Variants in WDR64 observed in about 807,000 individuals in gnomAD.
WDR64 encodes the protein WD repeat-containing protein 64.
WDR64 carries 112 observed loss-of-function variants against 139.3 expected under a neutral mutation model. That is an observed-to-expected ratio of 0.80 (90% confidence interval 0.69 to 0.94). The LOEUF (loss-of-function observed/expected upper bound fraction) is 0.94. WDR64 is among the 40% of genes least tolerant of loss of function. WDR64 has a pLI of 0.00. For missense variants in WDR64, 1,206 were observed against 1,293.1 expected, an observed-to-expected ratio of 0.93 and a Z score of 1.03; for synonymous variants, 444 against 437.7, an observed-to-expected ratio of 1.01 and a Z score of -0.18.
At chr1:241,766,176 T>C in intron 15 of WDR64, 42 bp from the exon 16 acceptor site, 1 of 1,593,460 alleles carries the variant, frequency 6.3e-7, no homozygotes, top group Non-Finnish European at 8.6e-7. Flanking sequence ...CCGCGAATCA[T>C]GAATACTATA....
intron 25 of WDR64, among the ~76,000 whole-genome samples, chr1:241,793,268 T>C (rs969299159): frequency 6.6e-6 from 1 of 152,246 alleles, no homozygotes; most frequent in African/African-American, 2.4e-5. Flanking sequence ...TCTGGATTGC[T>C]ATTTATGTCT....
intron 4 of WDR64, among the ~76,000 whole-genome samples, chr1:241,675,035 CCTTCTTCTTTCCTTCCTTTTCTCCCTT>C (rs1473355686): frequency 3.2e-4 from 8 of 24,916 alleles, no homozygotes; most frequent in South Asian, 2.3e-3. Flanking sequence ...TTCCCTCCCT[CCTTCTTCTTTCCTTCCTTTTCTCCCTT>C]CCTCCTTCCT....
At chr1:241,705,559 AAATAATAATAATAAT>A (rs71174832) in intron 8 of WDR64, among the ~76,000 whole-genome samples, 12 of 136,658 alleles carry the variant, frequency 8.8e-5, no homozygotes, top group African/African-American at 2.5e-4. Context: ...ATAAATAAAT[AAATAATAATAATAAT>A]AATAATAATA....
chr1:241,773,033 A>T, intron 20 of WDR64, 102 bp downstream of exon 20: 1 of 1,334,344 alleles, frequency 7.5e-7, no homozygotes, highest in Non-Finnish European at 9.8e-7. Context: ...CAATTATAAT[A>T]TTTTTTCAAC....
At chr1:241,753,675 G>A (rs550623850) in intron 14 of WDR64, among the ~76,000 whole-genome samples, 7 of 152,132 alleles carry the variant, frequency 4.6e-5, no homozygotes, top group Admixed American at 1.3e-4. Flanking sequence ...CTACACTCCC[G>A]ACTGGGCGAC....
At chr1:241,795,802 T>G (rs918204968) in intron 26 of WDR64, among the ~76,000 whole-genome samples, 1 of 152,202 alleles carries the variant, frequency 6.6e-6, no homozygotes, top group African/African-American at 2.4e-5. Context: ...AACTAATTAA[T>G]TAACCCAAGA....
Position 241,700,231 on chromosome 1 carries a change from C to T in WDR64, c.975-11571C>T, listed in dbSNP as rs192410445. Reference sequence around the variant, plus strand: ...TTTTAGACCAAAAACAGATTCCTCCCTCTCCTTTATTCTTCTCATCCAGTA... The same window carrying T: ...TTTTAGACCAAAAACAGATTCCTCCTTCTCCTTTATTCTTCTCATCCAGTA... On this transcript the variant is annotated intron_variant, in intron 8 of 27. Transcript: ENST00000437684. 2.4e-3 allele frequency among the ~76,000 whole-genome samples: 360 copies of T among 149,942 alleles called. 1 individual carries two copies. Among genetic ancestry groups the T allele is most frequent in the Non-Finnish European group, 4.0e-3 (270 of 67,588 alleles).
chr1:241,687,653 A>G, intron 8 of WDR64, 58 bp downstream of exon 8: 1 of 1,508,626 alleles, frequency 6.6e-7, no homozygotes, highest in Non-Finnish European at 9.0e-7. Flanking sequence ...TTTTACAATG[A>G]TAAAACCATG....
chr1:241,707,202 C>A (rs763847348), intron 8 of WDR64, among the ~76,000 whole-genome samples: 1 of 152,178 alleles, frequency 6.6e-6, no homozygotes, highest in Non-Finnish European at 1.5e-5. Flanking sequence ...ATGTATCTAT[C>A]CCCTAGGGCA....
At chr1:241,687,121 A>G (rs1012817449) in intron 7 of WDR64, among the ~76,000 whole-genome samples, 1 of 152,132 alleles carries the variant, frequency 6.6e-6, no homozygotes, top group African/African-American at 2.4e-5. Flanking sequence ...CCTAGCCAAC[A>G]TTATGAAACC....
intron 13 of WDR64, among the ~76,000 whole-genome samples, chr1:241,745,910 T>G (rs1260835174): frequency 6.6e-6 from 1 of 152,144 alleles, no homozygotes; most frequent in Non-Finnish European, 1.5e-5. Flanking sequence ...CTCCACTAAA[T>G]CTGACTGCCC....
At chr1:241,735,074 CCAT>C (rs1388221706) in intron 10 of WDR64, among the ~76,000 whole-genome samples, 3 of 152,110 alleles carry the variant, frequency 2.0e-5, no homozygotes, top group East Asian at 1.9e-4. Context: ...TTAACCAGCA[CCAT>C]GTTTTTACAG....
At chr1:241,666,365 T>C (rs1049238574) in intron 2 of WDR64, among the ~76,000 whole-genome samples, 1 of 152,194 alleles carries the variant, frequency 6.6e-6, no homozygotes, top group Non-Finnish European at 1.5e-5. Flanking sequence ...TGAAGGAGTT[T>C]ATCTGGTATA....
At chr1:241,709,016 T>C (rs1160599371) in intron 8 of WDR64, among the ~76,000 whole-genome samples, 2 of 152,146 alleles carry the variant, frequency 1.3e-5, no homozygotes, top group Admixed American at 6.5e-5. Context: ...AGTAATTTAA[T>C]TGGAAAAGCT....
intron 4 of WDR64, chr1:241,677,333 C>G (rs1051397842): frequency 1.8e-5 from 7 of 398,370 alleles, no homozygotes; most frequent in African/African-American, 1.0e-4. Context: ...ATTTTTTCCA[C>G]CTAGAAGTCA....
intron 14 of WDR64, among the ~76,000 whole-genome samples, chr1:241,752,744 G>T (rs1211844469): frequency 6.6e-6 from 1 of 152,150 alleles, no homozygotes; most frequent in Non-Finnish European, 1.5e-5. Context: ...TCAGCTACTT[G>T]GGGAGCTGAG....
intron 8 of WDR64, among the ~76,000 whole-genome samples, chr1:241,704,685 T>C (rs1574025142): frequency 6.6e-6 from 1 of 152,196 alleles, no homozygotes; most frequent in East Asian, 1.9e-4. Flanking sequence ...ATTTTTAAAA[T>C]GGGAAGTATG....
intron 27 of WDR64, among the ~76,000 whole-genome samples, chr1:241,797,445 A>G (rs1659399374): frequency 6.6e-6 from 1 of 152,234 alleles, no homozygotes; most frequent in Non-Finnish European, 1.5e-5. Flanking sequence ...GATATAGCAC[A>G]TGGTAATTTT....
intron 2 of WDR64, 105 bp downstream of exon 2, chr1:241,660,765 C>A: frequency 1.6e-6 from 2 of 1,259,680 alleles, no homozygotes; most frequent in Non-Finnish European, 2.2e-6. Context: ...TGAACCACAA[C>A]GTGCATGTGT....
Sources: gnomAD v4.1 joint callset for allele counts (sites outside exome capture counted in the v4.1 genomes callset) on GRCh38, gnomAD v4.1.1 for gene constraint, MANE v1.5 for transcripts, NCBI Gene and HGNC (gene_info 2026-07-23, HGNC 2026-07-21) for gene names.